Variants in MAN1A1 observed in about 807,000 individuals in gnomAD.
MAN1A1 encodes the protein mannosidase alpha class 1A member 1, also known as mannosyl-oligosaccharide 1,2-alpha-mannosidase IA.
MAN1A1 carries 29 observed loss-of-function variants against 70.8 expected under a neutral mutation model. That is an observed-to-expected ratio of 0.41 (90% CI 0.31 to 0.56). MAN1A1 has a LOEUF of 0.56. Among genes scored for constraint, MAN1A1 ranks in the 20% least tolerant of loss-of-function variants. MAN1A1 has a pLI of 0.29. For synonymous variants in MAN1A1, 349 were observed against 330.1 expected, an observed-to-expected ratio of 1.06 and a Z score of -0.62; for missense variants, 747 against 841.3, an observed-to-expected ratio of 0.89 and a Z score of 1.39.
At chr6:119,197,209 T>A (rs1044434599) in intron 8 of MAN1A1, among the ~76,000 whole-genome samples, 9 of 151,602 alleles carry the variant, frequency 5.9e-5, no homozygotes, top group Admixed American at 5.9e-4. Flanking sequence ...CTTGGGAGGC[T>A]GATGCAGGAG....
intron 5 of MAN1A1, among the ~76,000 whole-genome samples, chr6:119,249,600 G>GT (rs1412963684): frequency 6.6e-6 from 1 of 152,058 alleles, no homozygotes; most frequent in East Asian, 1.9e-4. Context: ...AAAGTTCTCT[G>GT]TCAGCCACTG....
chr6:119,206,473 C>G (rs1773863972), intron 6 of MAN1A1, among the ~76,000 whole-genome samples: 1 of 152,152 alleles, frequency 6.6e-6, no homozygotes, highest in Non-Finnish European at 1.5e-5. Context: ...CTGCTCCTTT[C>G]TACAGCAAAA....
rs143430527 is a variant in MAN1A1 at position 119,237,924 on chromosome 6, A to G, written c.992+10336T>C. Among the ~76,000 whole-genome samples, 28 of 152,320 alleles carry G rather than the reference A, an allele frequency of 1.8e-4. No individual in the cohort carries two copies. The East Asian group carries it at 5.0e-3, about 27-fold the overall frequency. ...TATTCAATAAAGCACAGCACTTTAA[A>G]TACACACAGTTAGATGGACCTAGGC... On this transcript the variant is annotated intron_variant, in intron 6 of 12. Transcript: ENST00000368468.
At chr6:119,253,980 C>T (rs575679381) in intron 5 of MAN1A1, among the ~76,000 whole-genome samples, 2 of 152,290 alleles carry the variant, frequency 1.3e-5, no homozygotes, top group East Asian at 1.9e-4. Context: ...ACTTCAATCT[C>T]AATGTTTGAT....
At chr6:119,183,804 G>T (rs74427278) in intron 11 of MAN1A1, among the ~76,000 whole-genome samples, 9,289 of 152,066 alleles carry the variant, frequency 0.061, 924 homozygotes, top group African/African-American at 0.21. Flanking sequence ...CAAAAATTTT[G>T]AGTAGTGGGC....
At chr6:119,209,699 C>A (rs995634933) in intron 6 of MAN1A1, among the ~76,000 whole-genome samples, 1 of 152,174 alleles carries the variant, frequency 6.6e-6, no homozygotes, top group Admixed American at 6.5e-5. Context: ...CTTACAAACG[C>A]GTCCTTCCTG....
intron 5 of MAN1A1, among the ~76,000 whole-genome samples, chr6:119,286,216 T>C (rs1307701599): frequency 1.3e-5 from 2 of 152,102 alleles, no homozygotes; most frequent in African/African-American, 4.8e-5. Context: ...GTTTGAAAGG[T>C]AACCAGTCAT....
At chr6:119,261,726 A>C (rs7755155) in intron 5 of MAN1A1, among the ~76,000 whole-genome samples, 43,797 of 152,152 alleles carry the variant, frequency 0.29, 6,823 homozygotes, top group East Asian at 0.56. Context: ...GTGTTTTTGA[A>C]GATCTTAAAC....
chr6:119,257,329 A>C (rs1010133689), intron 5 of MAN1A1, among the ~76,000 whole-genome samples: 9 of 152,198 alleles, frequency 5.9e-5, no homozygotes, highest in African/African-American at 2.2e-4. Context: ...AAAGATGGTT[A>C]AAAGAGCACA....
At chr6:119,350,466 CAAAAAACCG>C (rs1773883498), upstream of MAN1A1, 1 of 950,940 alleles carries the variant, frequency 1.1e-6, no homozygotes, top group Non-Finnish European at 1.3e-6. Context: ...CCCCAAAAAA[CAAAAAACCG>C]AAAAAACTTG....
At chr6:119,210,164 G>A (rs968431497) in intron 6 of MAN1A1, among the ~76,000 whole-genome samples, 1 of 152,144 alleles carries the variant, frequency 6.6e-6, no homozygotes, top group Non-Finnish European at 1.5e-5. Context: ...CAAAGATGGC[G>A]AGAGGCACTC....
intron 5 of MAN1A1, among the ~76,000 whole-genome samples, chr6:119,278,599 T>C (rs1350381032): frequency 6.6e-6 from 1 of 152,174 alleles, no homozygotes. Flanking sequence ...AAAATTGAAA[T>C]ATGTTGCATC....
intron 11 of MAN1A1, among the ~76,000 whole-genome samples, chr6:119,187,148 C>G (rs1298572037): frequency 1.3e-5 from 2 of 152,160 alleles, no homozygotes; most frequent in African/African-American, 2.4e-5. Context: ...ATTCTAACAT[C>G]TATAAAATGG....
Position 119,302,111 on chromosome 6 carries a change from G to A in MAN1A1, c.701-8C>T. Reference sequence around the variant, plus strand: ...TTGCTCCTTTGATGTTACCTGAAAAGATCAGAAAAATATTTGATAAAATAC... The same window carrying A: ...TTGCTCCTTTGATGTTACCTGAAAAAATCAGAAAAATATTTGATAAAATAC... On this transcript the variant is annotated splice_region_variant and splice_polypyrimidine_tract_variant and intron_variant, in intron 3 of 12. Coordinates refer to ENST00000368468, the MANE Select transcript of MAN1A1 (RefSeq NM_005907.4). 1 of 1,335,210 alleles carries A rather than the reference G, an allele frequency of 7.5e-7. No homozygotes were observed. Among genetic ancestry groups the A allele is most frequent in the Non-Finnish European group, 1.1e-6 (1 of 937,730 alleles). The allele number at this position is 1,335,210 out of a possible 1,614,324, so 82.7% of individuals were successfully genotyped here.
chr6:119,254,377 G>T (rs141813662), intron 5 of MAN1A1, among the ~76,000 whole-genome samples: 8 of 152,234 alleles, frequency 5.3e-5, no homozygotes, highest in Non-Finnish European at 1.0e-4. Flanking sequence ...AAGAGGGAGA[G>T]TAAGGCTGAT....
intron 2 of MAN1A1, among the ~76,000 whole-genome samples, chr6:119,319,700 T>C (rs1461326960): frequency 1.3e-5 from 2 of 152,282 alleles, no homozygotes; most frequent in Admixed American, 6.5e-5. Context: ...GCAGATAATA[T>C]AGATATATTT....
At chr6:119,304,969 C>T (rs961025128) in intron 3 of MAN1A1, among the ~76,000 whole-genome samples, 33 of 151,078 alleles carry the variant, frequency 2.2e-4, no homozygotes, top group African/African-American at 8.0e-4. Flanking sequence ...AAAATGAAAA[C>T]TTTGTATGTC....
chr6:119,296,710 A>G (rs1250463010), intron 4 of MAN1A1, among the ~76,000 whole-genome samples: 1 of 128,160 alleles, frequency 7.8e-6, no homozygotes, highest in Non-Finnish European at 1.8e-5. Flanking sequence ...GGATCTTAAC[A>G]TTAAAGAAAA....
At position 119,201,261 on chromosome 6, in the gene MAN1A1, C is replaced by A. The variant is rs1302008361; in HGVS notation, c.1203G>T (p.Trp401Cys). 2 of 1,611,650 alleles carry A rather than the reference C, an allele frequency of 1.2e-6. No individual in the cohort carries two copies. The highest frequency in any genetic ancestry group is 8.5e-7 in the Non-Finnish European group (1 of 1,177,934). Residue 401 changes from tryptophan (W) to cysteine (C), a missense_variant, in exon 8 of 13, where the codon TGG (tryptophan) becomes TGT (cysteine). Trp to Cys is a radical substitution (Grantham distance 215). Around this residue, in one of 2 missense-constraint regions of MAN1A1, gnomAD observed 419 missense variants for 548.2 expected, o/e 0.76. Coordinates refer to ENST00000368468, the MANE Select transcript of MAN1A1 (RefSeq NM_005907.4). Reference protein sequence around the residue: ...PNYLNPSSGQWGQHHVSVGGL... With the variant: ...PNYLNPSSGQCGQHHVSVGGL... Reference sequence around the variant, plus strand: ...GCAAATCTTCTGACTTACGTTGACCCCACTGTCCACTACTGGGATTCAGAT... The same window carrying A: ...GCAAATCTTCTGACTTACGTTGACCACACTGTCCACTACTGGGATTCAGAT...
Sources: allele counts gnomAD v4.1 joint callset (sites outside exome capture counted in the v4.1 genomes callset), GRCh38; gene constraint gnomAD v4.1.1; regional missense constraint gnomAD v4.1.1; transcripts MANE v1.5; gene names NCBI Gene and HGNC (gene_info 2026-07-23, HGNC 2026-07-21).